The following MIR2052HG variants were observed in gnomAD, a reference collection of about 807,000 sequenced individuals.
MIR2052HG encodes MIR2052 host gene.
Position 74,747,746 on chromosome 8 carries a change from G to T in MIR2052HG, n.372-4695G>T, listed in dbSNP as rs77728387. ...TTTGATTACATTTTACTTCTAATTT[G>T]GAAGACAATGTATTAGGAGAAAGAA... On this transcript the variant is annotated intron_variant and non_coding_transcript_variant, in intron 4 of 6. Transcript: ENST00000523442. Among the ~76,000 whole-genome samples, 1,208 of 152,186 alleles carry T rather than the reference G, an allele frequency of 7.9e-3. 4 individuals are homozygous for T. The highest frequency in any genetic ancestry group is 0.024 in the Middle Eastern group (7 of 294).
intron 4 of MIR2052HG, among the ~76,000 whole-genome samples, chr8:74,709,553 A>G (rs1005252279): frequency 1.3e-5 from 2 of 152,098 alleles, no homozygotes; most frequent in Admixed American, 6.6e-5. Context: ...TTTCAAAAGC[A>G]TGGACAGCTA....
intron 1 of MIR2052HG, among the ~76,000 whole-genome samples, chr8:74,601,227 C>A (rs1395431024): frequency 6.6e-6 from 1 of 152,186 alleles, no homozygotes; most frequent in African/African-American, 2.4e-5. Context: ...AGTCCACTAC[C>A]ATTTGTCTGT....
intron 4 of MIR2052HG, among the ~76,000 whole-genome samples, chr8:74,749,779 G>A (rs1200327688): frequency 6.6e-6 from 1 of 151,260 alleles, no homozygotes; most frequent in Non-Finnish European, 1.5e-5. Context: ...AACCTGGGAG[G>A]TGGAGGTTGC....
intron 4 of MIR2052HG, among the ~76,000 whole-genome samples, chr8:74,733,940 T>G (rs914608253): frequency 6.6e-5 from 10 of 152,206 alleles, no homozygotes; most frequent in Non-Finnish European, 1.3e-4. Context: ...ACTTCATGTC[T>G]AAAACACCAA....
intron 4 of MIR2052HG, among the ~76,000 whole-genome samples, chr8:74,729,164 C>T (rs1318351269): frequency 6.6e-6 from 1 of 152,104 alleles, no homozygotes; most frequent in East Asian, 1.9e-4. Flanking sequence ...TTCAGGCAGG[C>T]ATTTTACAGC....
intron 4 of MIR2052HG, among the ~76,000 whole-genome samples, chr8:74,729,595 G>A (rs1809670251): frequency 1.3e-5 from 2 of 152,104 alleles, no homozygotes; most frequent in Non-Finnish European, 2.9e-5. Context: ...ATGAAAAATA[G>A]AAAATCAAGT....
rs57452625 is a variant in MIR2052HG at position 74,720,311 on chromosome 8, C to T, written n.371+16629C>T. Among the ~76,000 whole-genome samples, 125 of 152,330 alleles carry T rather than the reference C, an allele frequency of 8.2e-4. 2 individuals carry two copies. The East Asian group carries it at 0.024, about 29-fold the overall frequency. On this transcript the variant is annotated intron_variant and non_coding_transcript_variant, in intron 4 of 6. Transcript: ENST00000523442. ...GAGTCTCTCTCAGCAGATCTGTGTTCTCTGCAATATCTGCTTGTAGACTGG... is the reference window on the plus strand; with the variant it reads ...GAGTCTCTCTCAGCAGATCTGTGTTTTCTGCAATATCTGCTTGTAGACTGG...
chr8:74,687,198 G>A (rs746311179), intron 2 of MIR2052HG, among the ~76,000 whole-genome samples: 1 of 152,134 alleles, frequency 6.6e-6, no homozygotes, highest in African/African-American at 2.4e-5. Flanking sequence ...CAAAATATAA[G>A]TGTTGGTGGG....
intron 4 of MIR2052HG, among the ~76,000 whole-genome samples, chr8:74,748,579 C>A (rs1368987124): frequency 2.0e-5 from 3 of 152,060 alleles, no homozygotes; most frequent in Non-Finnish European, 4.4e-5. Flanking sequence ...TTCTAAGAAC[C>A]ATATAACAAG....
At chr8:74,677,170 G>A (rs1809061853) in intron 2 of MIR2052HG, among the ~76,000 whole-genome samples, 1 of 151,918 alleles carries the variant, frequency 6.6e-6, no homozygotes, top group South Asian at 2.1e-4. Flanking sequence ...AAACCTACAT[G>A]CACTAATAAA....
chr8:74,671,347 C>T (rs928038354), intron 2 of MIR2052HG, among the ~76,000 whole-genome samples: 2 of 151,892 alleles, frequency 1.3e-5, no homozygotes, highest in African/African-American at 4.8e-5. Context: ...TTTGGTTGAC[C>T]AGAGCTGATT....
At chr8:74,600,995 A>T (rs1421466432) in intron 1 of MIR2052HG, among the ~76,000 whole-genome samples, 1 of 152,244 alleles carries the variant, frequency 6.6e-6, no homozygotes, top group Admixed American at 6.5e-5. Context: ...CTTTACAAAA[A>T]GCCAGAAAGG....
At chr8:74,712,658 C>T (rs1368461790) in intron 4 of MIR2052HG, among the ~76,000 whole-genome samples, 1 of 150,110 alleles carries the variant, frequency 6.7e-6, no homozygotes, top group Non-Finnish European at 1.5e-5. Context: ...GGCTACTGCT[C>T]AAAGGTTGGC....
At chr8:74,656,845 T>C (rs936683602) in intron 2 of MIR2052HG, among the ~76,000 whole-genome samples, 1 of 152,138 alleles carries the variant, frequency 6.6e-6, no homozygotes, top group African/African-American at 2.4e-5. Context: ...ATTTGTAGCT[T>C]TTCAGGGACA....
At chr8:74,627,743 C>T (rs1808454946) in intron 2 of MIR2052HG, among the ~76,000 whole-genome samples, 1 of 152,136 alleles carries the variant, frequency 6.6e-6, no homozygotes, top group African/African-American at 2.4e-5. Context: ...GGTTGCTTTA[C>T]ACATGCCTGA....
At chr8:74,744,842 A>T (rs1302929591) in intron 4 of MIR2052HG, among the ~76,000 whole-genome samples, 3 of 152,212 alleles carry the variant, frequency 2.0e-5, no homozygotes, top group Non-Finnish European at 4.4e-5. Context: ...AATTCAAAAA[A>T]GTTCTAACAA....
At chr8:74,694,502 C>T (rs1809275857) in intron 2 of MIR2052HG, among the ~76,000 whole-genome samples, 1 of 152,120 alleles carries the variant, frequency 6.6e-6, no homozygotes, top group Non-Finnish European at 1.5e-5. Context: ...GGATCCAAAC[C>T]AAGAAGTAAT....
chr8:74,662,196 T>C (rs1408564842), intron 2 of MIR2052HG, among the ~76,000 whole-genome samples: 1 of 152,208 alleles, frequency 6.6e-6, no homozygotes, highest in Non-Finnish European at 1.5e-5. Context: ...CAAAGGCTTT[T>C]TCAATGGTCA....
At chr8:74,737,182 A>G (rs1809775549) in intron 4 of MIR2052HG, among the ~76,000 whole-genome samples, 1 of 152,154 alleles carries the variant, frequency 6.6e-6, no homozygotes, top group African/African-American at 2.4e-5. Flanking sequence ...TTTGCAACCA[A>G]TCAGATGTTT....
Sources: gnomAD v4.1 joint callset for allele counts (sites outside exome capture counted in the v4.1 genomes callset) on GRCh38, gnomAD v4.1.1 for gene constraint, MANE v1.5 for transcripts, NCBI Gene and HGNC (gene_info 2026-07-23, HGNC 2026-07-21) for gene names.